Variants in AJAP1 observed in about 807,000 individuals in gnomAD.
AJAP1 encodes adherens junctions associated protein 1, also known as adherens junction-associated protein 1.
In AJAP1, 5 loss-of-function variants were observed where a neutral mutation model predicts 35.0. That is an observed-to-expected ratio of 0.14 (90% confidence interval 0.07 to 0.30). The LOEUF is 0.30. Among genes scored for constraint, AJAP1 ranks in the 10% least tolerant of loss-of-function variants. The probability of loss-of-function intolerance (pLI) is 1.00; values close to 1 mark genes in which losing one functional copy is unlikely to be tolerated. For synonymous variants in AJAP1, 284 were observed against 249.3 expected (o/e 1.14, Z -1.31); for missense variants, 586 against 571.0 (o/e 1.03, Z -0.27).
intron 2 of AJAP1, among the ~76,000 whole-genome samples, chr1:4,715,444 G>T (rs913418815): frequency 2.0e-5 from 3 of 152,230 alleles, no homozygotes; most frequent in Non-Finnish European, 1.5e-5. Flanking sequence ...CCGACATTGG[G>T]AGGCTGAGGC....
rs775636478 is a variant in AJAP1, at chr1:4,790,873, A to C, written c.*8388A>C. The C allele has an allele frequency of 6.6e-6, 1 of 152,184 alleles. No homozygotes were observed. The highest frequency in any genetic ancestry group is 1.9e-4 in the East Asian group (1 of 5,190). 9.4% of individuals were successfully genotyped at this position (152,184 alleles called of 1,614,324 possible). Reference sequence around the variant, plus strand: ...TGAGATTTGGCAGAAACATGTGCCTAGTTTGCAGCACCAAATACTGGTCTT... The same window carrying C: ...TGAGATTTGGCAGAAACATGTGCCTCGTTTGCAGCACCAAATACTGGTCTT... On this transcript the variant is annotated 3_prime_UTR_variant, in exon 6 of 6. Transcript: ENST00000378191.
intron 2 of AJAP1, among the ~76,000 whole-genome samples, chr1:4,717,375 C>G (rs1223055783): frequency 1.3e-5 from 2 of 152,188 alleles, no homozygotes; most frequent in Non-Finnish European, 2.9e-5. Context: ...CGCTGCTTTC[C>G]CCAGCTCATG....
Position 4,774,422 on chromosome 1 carries a change from C to T in AJAP1, c.1164-5C>T, listed in dbSNP as rs1220536895. The T allele has an allele frequency of 6.2e-6, 10 of 1,614,006 alleles. No homozygotes were observed. The highest frequency in any genetic ancestry group is 3.3e-5 in the South Asian group (3 of 91,090). On this transcript the variant is annotated splice_polypyrimidine_tract_variant and splice_region_variant and intron_variant, in intron 4 of 5. Coordinates refer to ENST00000378191, the MANE Select transcript of AJAP1 (RefSeq NM_018836.4). The stretch of plus-strand genomic sequence containing the variant: ...CGCCAAAGCCCATTTTTCTGTTCAC[C>T]GCAGACCCTCCTCTTCTGATCGGCA...
intron 1 of AJAP1, 77 bp from the exon 2 acceptor site, chr1:4,711,823 G>T (rs1391318786): frequency 5.0e-6 from 6 of 1,189,916 alleles, no homozygotes; most frequent in Non-Finnish European, 6.9e-6. Context: ...GCGCGGGGTG[G>T]AGAGAGAGGG....
intron 2 of AJAP1, among the ~76,000 whole-genome samples, chr1:4,731,653 A>G (rs1252675494): frequency 1.3e-5 from 2 of 152,194 alleles, no homozygotes; most frequent in Non-Finnish European, 2.9e-5. Context: ...CTGGTAACAT[A>G]CAGGGTCCCC....
intron 2 of AJAP1, among the ~76,000 whole-genome samples, chr1:4,713,928 C>T (rs1444457357): frequency 3.9e-5 from 6 of 152,184 alleles, no homozygotes; most frequent in South Asian, 2.1e-4. Flanking sequence ...CATGTGCAGG[C>T]GGCCGGCATG....
intron 5 of AJAP1, among the ~76,000 whole-genome samples, chr1:4,780,197 T>C (rs1003314593): frequency 6.6e-6 from 1 of 151,018 alleles, no homozygotes; most frequent in Non-Finnish European, 1.5e-5. Context: ...TTCAATGGCA[T>C]GAGTGCCTTT....
chr1:4,767,691 TCACCATCATTATCATTACCATCATCAC>T (rs1355443710), intron 2 of AJAP1, among the ~76,000 whole-genome samples: 7 of 152,022 alleles, frequency 4.6e-5, no homozygotes, highest in Middle Eastern at 3.4e-3. Flanking sequence ...ATCATCACCA[TCACCATCATTATCATTACCATCATCAC>T]CACCATCACC....
chr1:4,697,218 C>T lies in AJAP1; in HGVS notation c.30-14682C>T, dbSNP rs552102145. 2.0e-5 allele frequency among the ~76,000 whole-genome samples: 3 copies of T among 152,276 alleles called. No individual in the cohort carries two copies. The East Asian group carries it at 5.8e-4, about 29-fold the overall frequency. ...TGCACCTGTGTTCTGTGCATGCCTG[C>T]ATTTGTGTGTCTGTGTGTGTGCATT... On this transcript the variant is annotated intron_variant, in intron 1 of 5. Transcript: ENST00000378191.
chr1:4,710,172 ACACT>A (rs777360335), intron 1 of AJAP1, among the ~76,000 whole-genome samples: 27 of 151,892 alleles, frequency 1.8e-4, no homozygotes, highest in South Asian at 2.1e-4. Context: ...TCACACAGAC[ACACT>A]CACACAGGAA....
intron 2 of AJAP1, among the ~76,000 whole-genome samples, chr1:4,730,658 C>T (rs748656277): frequency 2.2e-4 from 33 of 152,198 alleles, no homozygotes; most frequent in Non-Finnish European, 4.6e-4. Context: ...AAGCCAGAAG[C>T]CTGGGGAAAG....
intron 2 of AJAP1, among the ~76,000 whole-genome samples, chr1:4,749,821 T>C (rs1641282109): frequency 1.3e-5 from 2 of 152,198 alleles, no homozygotes; most frequent in South Asian, 4.1e-4. Flanking sequence ...TTCTTGTGTG[T>C]GTGCACTCGT....
At chr1:4,746,733 G>A (rs1641196897) in intron 2 of AJAP1, among the ~76,000 whole-genome samples, 1 of 152,242 alleles carries the variant, frequency 6.6e-6, no homozygotes, top group South Asian at 2.1e-4. Context: ...AGCCTCTGGG[G>A]TGACAGAGGG....
At chr1:4,769,760 G>A in intron 2 of AJAP1, 93 bp from the exon 3 acceptor site, 4 of 1,063,578 alleles carry the variant, frequency 3.8e-6, no homozygotes, top group Admixed American at 1.7e-5. Flanking sequence ...ATCCCCAGCT[G>A]GGTTGGGGGG....
intron 2 of AJAP1, among the ~76,000 whole-genome samples, chr1:4,735,683 C>T (rs1640905677): frequency 6.6e-6 from 1 of 152,218 alleles, no homozygotes; most frequent in African/African-American, 2.4e-5. Context: ...CTCCTCCCTG[C>T]TCCTCTGCTC....
At chr1:4,762,456 G>A (rs1181098211) in intron 2 of AJAP1, among the ~76,000 whole-genome samples, 2 of 152,206 alleles carry the variant, frequency 1.3e-5, no homozygotes, top group Admixed American at 1.3e-4. Context: ...CCATGCCAAG[G>A]GTCACCTGTG....
intron 2 of AJAP1, among the ~76,000 whole-genome samples, chr1:4,732,170 G>A (rs192749809): frequency 8.9e-4 from 136 of 152,362 alleles, no homozygotes; most frequent in African/African-American, 3.1e-3. Flanking sequence ...TGCCCGAAGG[G>A]CCCCATGATG....
intron 1 of AJAP1, among the ~76,000 whole-genome samples, 158 bp from the exon 2 acceptor site, chr1:4,711,742 A>G (rs987525844): frequency 6.6e-6 from 1 of 152,180 alleles, no homozygotes. Flanking sequence ...AAGGAAAGGA[A>G]GGAAGGGTTT....
intron 1 of AJAP1, among the ~76,000 whole-genome samples, chr1:4,677,248 A>T (rs752537219): frequency 5.3e-5 from 8 of 152,084 alleles, no homozygotes; most frequent in Admixed American, 3.3e-4. Context: ...TGGGTAAGTG[A>T]CATGTGGCTG....
Sources: gnomAD v4.1 joint callset for allele counts (sites outside exome capture counted in the v4.1 genomes callset) on GRCh38, gnomAD v4.1.1 for gene constraint, MANE v1.5 for transcripts, NCBI Gene and HGNC (gene_info 2026-07-23, HGNC 2026-07-21) for gene names.